PTDSS1: variants seen among roughly 807,000 people sequenced by gnomAD.
The protein encoded by PTDSS1 is phosphatidylserine synthase 1.
In PTDSS1, 45 loss-of-function variants were observed where a neutral mutation model predicts 70.5. The observed-to-expected ratio is 0.64, with a 90% CI of 0.50 to 0.82. PTDSS1 has a LOEUF of 0.82. Ranked by LOEUF, PTDSS1 falls within the 40% of genes least tolerant of loss-of-function variation. The pLI is 0.00. For synonymous variants in PTDSS1, 188 were observed against 203.8 expected, an observed-to-expected ratio of 0.92 and a Z score of 0.66; for missense variants, 417 against 586.1, an observed-to-expected ratio of 0.71 and a Z score of 2.98.
intron 9 of PTDSS1, among the ~76,000 whole-genome samples, chr8:96,311,811 G>A (rs1215068077): frequency 6.6e-6 from 1 of 152,224 alleles, no homozygotes; most frequent in African/African-American, 2.4e-5. Context: ...ATTTCTGACA[G>A]CGCAGAGGTG....
intron 8 of PTDSS1, among the ~76,000 whole-genome samples, chr8:96,307,668 T>A (rs1033883661): frequency 6.6e-6 from 1 of 152,186 alleles, no homozygotes; most frequent in African/African-American, 2.4e-5. Flanking sequence ...TTTTTCTTAA[T>A]GGTTTAGAGT....
chr8:96,327,691 C>T (rs977702166), intron 10 of PTDSS1, among the ~76,000 whole-genome samples: 6 of 151,992 alleles, frequency 3.9e-5, no homozygotes, highest in African/African-American at 1.5e-4. Context: ...TAAGCTTTTC[C>T]AGGAGCGTGG....
intron 8 of PTDSS1, among the ~76,000 whole-genome samples, chr8:96,307,044 A>G (rs982120717): frequency 2.0e-5 from 3 of 152,208 alleles, no homozygotes; most frequent in Admixed American, 6.5e-5. Context: ...CAACTGAGAT[A>G]AGCTTGGGTG....
chr8:96,267,799 C>G (rs1039099546), intron 1 of PTDSS1, among the ~76,000 whole-genome samples: 1 of 152,116 alleles, frequency 6.6e-6, no homozygotes, highest in Non-Finnish European at 1.5e-5. Flanking sequence ...ACACCCAACA[C>G]CCAACACCCA....
chr8:96,288,579 G>T (rs966855965), intron 4 of PTDSS1, among the ~76,000 whole-genome samples: 1 of 149,140 alleles, frequency 6.7e-6, no homozygotes, highest in Admixed American at 6.7e-5. Flanking sequence ...GCCTGCTTCG[G>T]CCTCCTAGAG....
intron 7 of PTDSS1, among the ~76,000 whole-genome samples, chr8:96,304,536 A>G (rs1419768000): frequency 6.6e-6 from 1 of 152,252 alleles, no homozygotes; most frequent in Non-Finnish European, 1.5e-5. Context: ...GGCTTTTCTT[A>G]CATTCCTAAT....
chr8:96,318,523 A>T (rs7824518), intron 9 of PTDSS1, among the ~76,000 whole-genome samples: 1 of 151,960 alleles, frequency 6.6e-6, no homozygotes, highest in Non-Finnish European at 1.5e-5. Flanking sequence ...CACAGGCTGG[A>T]ATACCAAACA....
At chr8:96,315,663 G>A (rs928482843) in intron 9 of PTDSS1, among the ~76,000 whole-genome samples, 2 of 152,134 alleles carry the variant, frequency 1.3e-5, no homozygotes, top group African/African-American at 4.8e-5. Flanking sequence ...ACCAGCCCTA[G>A]GTCAGGAATC....
chr8:96,331,162 C>T (rs1186669860), intron 12 of PTDSS1, 67 bp downstream of exon 12: 12 of 1,428,028 alleles, frequency 8.4e-6, no homozygotes, highest in Non-Finnish European at 1.1e-5. Flanking sequence ...ATTACCTATT[C>T]TTTGAGTGGA....
At chr8:96,284,347 C>A (rs1272723598) in intron 3 of PTDSS1, among the ~76,000 whole-genome samples, 194 bp downstream of exon 3, 1 of 152,176 alleles carries the variant, frequency 6.6e-6, no homozygotes, top group East Asian at 1.9e-4. Context: ...GACTTAAATT[C>A]TCTTACACAT....
intron 9 of PTDSS1, among the ~76,000 whole-genome samples, chr8:96,316,302 A>G (rs371662410): frequency 6.6e-6 from 1 of 152,196 alleles, no homozygotes; most frequent in Non-Finnish European, 1.5e-5. Flanking sequence ...CACAATAGCA[A>G]AGACATGGAA....
Position 96,261,949 on chromosome 8 carries a change from C to T in PTDSS1, c.-92C>T, listed in dbSNP as rs1368476773. ...GGGCGCCAGACCCGGCTTTGCCGTC[C>T]GGCTATTAGCCTACTGTGGCTAGTC... On this transcript the variant is annotated 5_prime_UTR_variant, in exon 1 of 13. Coordinates refer to ENST00000517309, the MANE Select transcript of PTDSS1 (RefSeq NM_014754.3). 1.7e-5 allele frequency: 23 copies of T among 1,341,004 alleles called. No individual in the cohort carries two copies. The highest frequency in any genetic ancestry group is 7.0e-5 in the Admixed American group (3 of 43,024). The allele number at this position is 1,341,004 out of a possible 1,614,324, so 83.1% of individuals were successfully genotyped here.
chr8:96,332,916 C>G (rs1032005045), intron 12 of PTDSS1, among the ~76,000 whole-genome samples: 2 of 152,208 alleles, frequency 1.3e-5, no homozygotes, highest in Admixed American at 6.5e-5. Context: ...AGGGCAGAGG[C>G]TGCCCAGTGC....
In PTDSS1 at chr8:96,262,009, G is replaced by C. The variant is rs2129970464; in HGVS notation, c.-32G>C. The C allele has an allele frequency of 1.3e-6, 2 of 1,596,248 alleles. No homozygotes were observed. Among genetic ancestry groups the C allele is most frequent in the Non-Finnish European group, 1.7e-6 (2 of 1,170,660 alleles). ...GTCCCGGCCTTCTCGGGCTGGGGCC[G>C]CCGCCACCGCGGCAGGACGGGGAGG... On this transcript the variant is annotated 5_prime_UTR_variant, in exon 1 of 13. Coordinates refer to ENST00000517309, the MANE Select transcript of PTDSS1 (RefSeq NM_014754.3). This position sits in a 1 kb window ranked among gnomAD's most constrained non-coding sequence, Gnocchi z 4.4.
rs1252220590 is a variant in PTDSS1, at chr8:96,318,620, C to A, written c.1074-1626C>A. 2.6e-5 allele frequency among the ~76,000 whole-genome samples: 4 copies of A among 152,190 alleles called. No individual in the cohort carries two copies. In the South Asian group the frequency reaches 6.2e-4, roughly 24 times the overall value. On this transcript the variant is annotated intron_variant, in intron 9 of 12. Transcript: ENST00000517309. Reference sequence around the variant, plus strand: ...TCTGGGTTCCTCCACTGAAATGATACTTTCTCACATGTGACATGCTTTGTG... The same window carrying A: ...TCTGGGTTCCTCCACTGAAATGATAATTTCTCACATGTGACATGCTTTGTG...
chr8:96,310,376 G>A (rs566715639), intron 9 of PTDSS1, among the ~76,000 whole-genome samples: 4 of 151,662 alleles, frequency 2.6e-5, no homozygotes, highest in East Asian at 2.0e-4. Flanking sequence ...TGTTGGTCAG[G>A]CTGGTTTCTA....
At chr8:96,266,840 T>C (rs1810494260) in intron 1 of PTDSS1, among the ~76,000 whole-genome samples, 1 of 152,250 alleles carries the variant, frequency 6.6e-6, no homozygotes, top group Non-Finnish European at 1.5e-5. Flanking sequence ...TTTACATTTT[T>C]TCTTATACTG....
At chr8:96,319,444 A>C (rs989267394) in intron 9 of PTDSS1, among the ~76,000 whole-genome samples, 1 of 152,138 alleles carries the variant, frequency 6.6e-6, no homozygotes, top group African/African-American at 2.4e-5. Flanking sequence ...ACAGAACACA[A>C]GAGTGACTTT....
chr8:96,333,425 G>C (rs780200245), intron 12 of PTDSS1, 32 bp from the exon 13 acceptor site: 4 of 1,568,830 alleles, frequency 2.5e-6, no homozygotes, highest in Non-Finnish European at 3.5e-6. Flanking sequence ...CCAGAGCCCA[G>C]GGTGACGGTG....
Sources: gnomAD v4.1 joint callset for allele counts (sites outside exome capture counted in the v4.1 genomes callset) on GRCh38, gnomAD v4.1.1 for gene constraint, Gnocchi (gnomAD v3.1) non-coding constraint, MANE v1.5 for transcripts, NCBI Gene and HGNC (gene_info 2026-07-23, HGNC 2026-07-21) for gene names.